The following HS6ST2 variants were observed in gnomAD, a reference collection of about 807,000 sequenced individuals.
HS6ST2 encodes heparan-sulfate 6-O-sulfotransferase 2.
A neutral mutation model predicts 33.0 loss-of-function variants in HS6ST2; 17 were observed. The observed-to-expected ratio is 0.52, with a 90% confidence interval of 0.35 to 0.77. HS6ST2 has a LOEUF of 0.77. Ranked by LOEUF, HS6ST2 falls within the 30% of genes least tolerant of loss-of-function variation. The probability of loss-of-function intolerance (pLI) is 0.01; values close to 1 mark genes in which losing one functional copy is unlikely to be tolerated. For synonymous variants in HS6ST2, 248 were observed against 237.1 expected (o/e 1.05, Z -0.42); for missense variants, 519 against 551.7 (o/e 0.94, Z 0.59).
intron 4 of HS6ST2, among the ~76,000 whole-genome samples, chrX:132,643,420 G>A (rs1350081094): frequency 8.9e-6 from 1 of 111,798 alleles, no homozygotes; most frequent in Non-Finnish European, 1.9e-5. Flanking sequence ...CTGGCCAACC[G>A]ATGAAGGGCA....
chrX:132,882,224 C>G (rs1422867947), intron 2 of HS6ST2, among the ~76,000 whole-genome samples: 2 of 111,428 alleles, frequency 1.8e-5, no homozygotes, highest in Non-Finnish European at 3.8e-5. Flanking sequence ...GCAGTATGGC[C>G]ATTTTCACAA....
intron 2 of HS6ST2, among the ~76,000 whole-genome samples, chrX:132,923,333 C>T: frequency 9.0e-6 from 1 of 111,266 alleles, no homozygotes; most frequent in Non-Finnish European, 1.9e-5. Flanking sequence ...ATGACTTGAA[C>T]CAGTCTTTCA....
chrX:132,851,474 G>A (rs963615509), intron 2 of HS6ST2, among the ~76,000 whole-genome samples: 3 of 112,305 alleles, frequency 2.7e-5, no homozygotes, highest in Non-Finnish European at 5.6e-5. Context: ...TCAACTTCAG[G>A]GTTGTTGTAA....
In HS6ST2 at chrX:132,722,853, TTAAAA is replaced by T. The variant is rs1332793407; in HGVS notation, c.948-14364_948-14360del. Among the ~76,000 whole-genome samples the T allele has an allele frequency of 1.8e-4, 18 of 99,427 alleles. No homozygotes were observed. In the East Asian group the frequency reaches 5.1e-3, roughly 28 times the overall value. 86.3% of individuals were successfully genotyped at this position (99,427 alleles called of 115,157 possible). A position where few individuals can be genotyped will look rare whatever the true frequency, so the allele number is the denominator to read the frequency against. On this transcript the variant is annotated intron_variant, in intron 2 of 4. Transcript: ENST00000370833. ...TCAAATATTCAAACATATAGGTGTA[TTAAAA>T]TAAAATTATGTTAAAAATAAAAAAA...
At chrX:132,731,353 A>C (rs1260371883) in intron 2 of HS6ST2, among the ~76,000 whole-genome samples, 1 of 111,656 alleles carries the variant, frequency 9.0e-6, no homozygotes, top group Non-Finnish European at 1.9e-5. Context: ...CAAGCCTCAT[A>C]GTTTATAGAT....
chrX:132,689,579 G>A (rs934629739), intron 3 of HS6ST2, among the ~76,000 whole-genome samples: 6 of 111,840 alleles, frequency 5.4e-5, no homozygotes, highest in Admixed American at 1.9e-4. Flanking sequence ...AATATTTGAC[G>A]TACCTCTATG....
chrX:132,951,145 A>ACATTC (rs1475974989), intron 2 of HS6ST2, among the ~76,000 whole-genome samples: 1 of 111,068 alleles, frequency 9.0e-6, no homozygotes, highest in East Asian at 2.8e-4. Context: ...GGTACCACCT[A>ACATTC]CATTCCAGAC....
chrX:132,661,506 A>G (rs766018649), intron 4 of HS6ST2, among the ~76,000 whole-genome samples: 3 of 111,777 alleles, frequency 2.7e-5, no homozygotes, highest in Non-Finnish European at 1.9e-5. Flanking sequence ...AAAAGCGTGT[A>G]TCCTGAAAAC....
chrX:132,929,020 G>A (rs2066737893), intron 2 of HS6ST2, among the ~76,000 whole-genome samples: 1 of 111,018 alleles, frequency 9.0e-6, no homozygotes. Flanking sequence ...AAAGGCAGTG[G>A]AGGGACAGAT....
At chrX:132,871,114 G>C (rs187958210) in intron 2 of HS6ST2, among the ~76,000 whole-genome samples, 2 of 111,855 alleles carry the variant, frequency 1.8e-5, no homozygotes, top group Non-Finnish European at 3.8e-5. Context: ...GTGGGTGAAG[G>C]ATATGAACAA....
intron 2 of HS6ST2, among the ~76,000 whole-genome samples, chrX:132,910,685 A>G (rs2066522833): frequency 8.9e-6 from 1 of 111,906 alleles, no homozygotes; most frequent in Admixed American, 9.5e-5. Flanking sequence ...AAGGGAAGTC[A>G]GTTCCAGGGC....
intron 2 of HS6ST2, among the ~76,000 whole-genome samples, chrX:132,795,367 C>T (rs924795806): frequency 9.0e-6 from 1 of 111,384 alleles, no homozygotes; most frequent in Admixed American, 9.6e-5. Context: ...TTCTTCTTAC[C>T]ATTCTTTGAC....
At chrX:132,847,652 G>T (rs1039304929) in intron 2 of HS6ST2, among the ~76,000 whole-genome samples, 1 of 111,206 alleles carries the variant, frequency 9.0e-6, no homozygotes, top group Non-Finnish European at 1.9e-5. Flanking sequence ...GAGGAATATG[G>T]AAGAACTAGA....
intron 2 of HS6ST2, among the ~76,000 whole-genome samples, chrX:132,839,392 C>T (rs909927370): frequency 4.8e-5 from 5 of 103,741 alleles, no homozygotes; most frequent in African/African-American, 7.0e-5. Flanking sequence ...ATTATGTCTT[C>T]TGCAGCAACA....
chrX:132,933,847 A>C (rs995572219), intron 2 of HS6ST2, among the ~76,000 whole-genome samples: 1 of 111,711 alleles, frequency 9.0e-6, no homozygotes, highest in Non-Finnish European at 1.9e-5. Flanking sequence ...ATAATTAAGA[A>C]TTGTATATCC....
At chrX:132,702,442 C>T (rs1385645551) in intron 3 of HS6ST2, among the ~76,000 whole-genome samples, 2 of 111,672 alleles carry the variant, frequency 1.8e-5, no homozygotes, top group Non-Finnish European at 3.8e-5. Context: ...ATACTGACTA[C>T]GACAAGAAAA....
intron 2 of HS6ST2, among the ~76,000 whole-genome samples, chrX:132,844,344 C>T (rs999393981): frequency 1.8e-5 from 2 of 111,932 alleles, no homozygotes; most frequent in Admixed American, 9.5e-5. Context: ...CTCTTCCATC[C>T]TGGATAGCCA....
intron 2 of HS6ST2, among the ~76,000 whole-genome samples, chrX:132,842,671 A>T (rs1489074649): frequency 2.7e-5 from 3 of 111,247 alleles, no homozygotes; most frequent in Admixed American, 9.6e-5. Context: ...ACAGTAGAAT[A>T]CTCTCACTGG....
chrX:132,705,471 T>C (rs1274758378), intron 3 of HS6ST2, among the ~76,000 whole-genome samples: 1 of 111,223 alleles, frequency 9.0e-6, no homozygotes, highest in African/African-American at 3.3e-5. Flanking sequence ...TACAGGTGTA[T>C]GTGTAAGTAC....
Sources: gnomAD v4.1 joint callset for allele counts (sites outside exome capture counted in the v4.1 genomes callset) on GRCh38, gnomAD v4.1.1 for gene constraint, MANE v1.5 for transcripts, NCBI Gene and HGNC (gene_info 2026-07-23, HGNC 2026-07-21) for gene names.